CSRNP2: variants seen among roughly 807,000 people sequenced by gnomAD.
CSRNP2 encodes the protein cysteine and serine rich nuclear protein 2, also known as cysteine/serine-rich nuclear protein 2.
In CSRNP2, 11 loss-of-function variants were observed where a neutral mutation model predicts 36.6. That is an observed-to-expected ratio of 0.30 (90% CI 0.19 to 0.50). CSRNP2 has a LOEUF of 0.50. CSRNP2 is among the 20% of genes least tolerant of loss of function. The pLI, the probability that CSRNP2 is intolerant of heterozygous loss-of-function variation, is 0.98. For synonymous variants in CSRNP2, 248 were observed against 275.3 expected, an observed-to-expected ratio of 0.90 and a Z score of 0.98; for missense variants, 483 against 691.4, an observed-to-expected ratio of 0.70 and a Z score of 3.38.
In CSRNP2 at chr12:51,083,567, C is replaced by T. The variant is rs1441432373; in HGVS notation, c.-315G>A. 1 of 152,280 alleles carries T rather than the reference C, an allele frequency of 6.6e-6. No homozygotes were observed. The highest frequency in any genetic ancestry group is 1.9e-4 in the East Asian group (1 of 5,210). 9.4% of individuals were successfully genotyped at this position (152,280 alleles called of 1,614,324 possible). On this transcript the variant is annotated 5_prime_UTR_variant, in exon 1 of 5. Coordinates refer to ENST00000228515, the MANE Select transcript of CSRNP2 (RefSeq NM_030809.3). ...ACTCGGGCGCCCCCGGCAGCAGACG[C>T]CCAGAACCGCCCCGGCTCCGGCTAA... is the stretch of plus-strand genomic sequence containing the variant.
chr12:51,078,814 C>T lies in CSRNP2; in HGVS notation c.-86-2167G>A, dbSNP rs141427686. Among the ~76,000 whole-genome samples the T allele has an allele frequency of 6.0e-3, 915 of 152,232 alleles. 6 individuals are homozygous for T. Among genetic ancestry groups the T allele is most frequent in the African/African-American group, 0.019 (808 of 41,538 alleles). ...TCAACCATTGTGGAAGACAGTGTGGCGATTCCTCAAGGATCTAGAACTAGA... is the reference window on the plus strand; with the variant it reads ...TCAACCATTGTGGAAGACAGTGTGGTGATTCCTCAAGGATCTAGAACTAGA... On this transcript the variant is annotated intron_variant, in intron 1 of 4. Transcript: ENST00000228515.
At chr12:51,075,748 G>GT (rs1939370951) in intron 2 of CSRNP2, among the ~76,000 whole-genome samples, 1 of 152,204 alleles carries the variant, frequency 6.6e-6, no homozygotes, top group East Asian at 1.9e-4. Context: ...TAATAGAGCC[G>GT]TAAGAATTAA....
chr12:51,071,377 A>C (rs1171034479), intron 3 of CSRNP2, among the ~76,000 whole-genome samples: 1 of 151,886 alleles, frequency 6.6e-6, no homozygotes, highest in East Asian at 1.9e-4. Flanking sequence ...TCTGTGCTCC[A>C]GCCTGGATGA....
At chr12:51,078,509 G>T (rs527581298) in intron 1 of CSRNP2, among the ~76,000 whole-genome samples, 1 of 152,170 alleles carries the variant, frequency 6.6e-6, no homozygotes, top group African/African-American at 2.4e-5. Context: ...CATTCTTAGG[G>T]CATGGTAAGA....
At chr12:51,081,734 T>A (rs1250765017) in intron 1 of CSRNP2, among the ~76,000 whole-genome samples, 2 of 152,176 alleles carry the variant, frequency 1.3e-5, no homozygotes, top group Non-Finnish European at 2.9e-5. Flanking sequence ...GGCTAGCACC[T>A]AATAAACAGT....
rs372339521 is a variant in CSRNP2 at position 51,063,847 on chromosome 12, G to A, written c.1531C>T (p.Arg511Cys). ...CCACAGCCCTCTTCATTGTCCGTGC[G>A]GAAGGGGAGGCTTGAGGGGGACCAG... ...PSWSPSSLPFRTDNEEGCGMV... is the reference protein window; with the variant it reads ...PSWSPSSLPFCTDNEEGCGMV... The change falls in exon 5 of 5, where the codon CGC becomes TGC. Residue 511 changes from arginine to cysteine, a missense_variant. By Grantham distance (180) the Arg-to-Cys change is radical. Coordinates refer to ENST00000228515, the MANE Select transcript of CSRNP2 (RefSeq NM_030809.3). The A allele has an allele frequency of 1.7e-5, 28 of 1,613,902 alleles. No individual in the cohort carries two copies. The highest frequency in any genetic ancestry group is 1.5e-4 in the Admixed American group (9 of 59,976).
chr12:51,073,121 A>G (rs1455030486), intron 3 of CSRNP2, among the ~76,000 whole-genome samples: 1 of 152,100 alleles, frequency 6.6e-6, no homozygotes, highest in Non-Finnish European at 1.5e-5. Flanking sequence ...TGGGAGGCTG[A>G]GATTGGCAGA....
chr12:51,064,714 C>A, intron 4 of CSRNP2, 45 bp from the exon 5 acceptor site: 2 of 1,463,436 alleles, frequency 1.4e-6, no homozygotes, highest in South Asian at 3.1e-5. Flanking sequence ...ACCTACAATC[C>A]TAACAATGGA....
At chr12:51,064,792 C>A in intron 4 of CSRNP2, 123 bp from the exon 5 acceptor site, 1 of 690,788 alleles carries the variant, frequency 1.4e-6, no homozygotes. Flanking sequence ...GAAAAGCAAC[C>A]AATTCAAAGC....
In CSRNP2 at chr12:51,080,072, C is replaced by CAAAAAAAAA. The variant is rs1173559322; in HGVS notation, c.-87+3258_-87+3266dup. 1.7e-3 allele frequency among the ~76,000 whole-genome samples: 94 copies of CAAAAAAAAA among 54,988 alleles called. 38 individuals carry two copies. The highest frequency in any genetic ancestry group is 3.6e-3 in the South Asian group (4 of 1,104). The allele number at this position is 54,988 out of a possible 152,430, so 36.1% of individuals were successfully genotyped here. ...TGGGCGGCAGAGTAAGACTCTGTCT[C>CAAAAAAAAA]AAAAAAAAAAAAAAAAAAAAAAAAA... On this transcript the variant is annotated intron_variant, in intron 1 of 4. Transcript: ENST00000228515.
At position 51,063,412 on chromosome 12, in the gene CSRNP2, GT is replaced by G; in HGVS notation, c.*333del. On this transcript the variant is annotated 3_prime_UTR_variant, in exon 5 of 5. Coordinates refer to ENST00000228515, the MANE Select transcript of CSRNP2 (RefSeq NM_030809.3). ...TTTGCCATGCTCTTCAAATTCTCGT[GT>G]TCTGGTCCCTACAGAAAGAATAGCT... The G allele has an allele frequency of 1.1e-5, 2 of 175,526 alleles. No homozygotes were observed. Among genetic ancestry groups the G allele is most frequent in the Non-Finnish European group, 2.4e-5 (2 of 83,828 alleles). 10.9% of individuals were successfully genotyped at this position (175,526 alleles called of 1,614,324 possible). A position where few individuals can be genotyped will look rare whatever the true frequency, so the allele number is the denominator to read the frequency against.
chr12:51,061,809 G>A lies in CSRNP2; in HGVS notation c.*1937C>T, dbSNP rs1948840180. The A allele has an allele frequency of 6.6e-6, 1 of 152,148 alleles. No individual in the cohort carries two copies. The highest frequency in any genetic ancestry group is 1.5e-5 in the Non-Finnish European group (1 of 68,040). 9.4% of individuals were successfully genotyped at this position (152,148 alleles called of 1,614,324 possible). ...CCGGAGCCTTCCTGCAGAGACAGTG[G>A]GCAAACCTCACCCTCCCCTTCCGAC... On this transcript the variant is annotated 3_prime_UTR_variant, in exon 5 of 5. Transcript: ENST00000228515.
chr12:51,063,724 G>A lies in CSRNP2; in HGVS notation c.*22C>T. 6.7e-7 allele frequency: 1 copy of A among 1,497,472 alleles called. No homozygotes were observed. Among genetic ancestry groups the A allele is most frequent in the Non-Finnish European group, 8.9e-7 (1 of 1,119,762 alleles). 92.8% of individuals were successfully genotyped at this position (1,497,472 alleles called of 1,614,324 possible). ...AAGGGAATAAATAGAGAATGGGTAA[G>A]AGGCAGGACCTCTAGCGCCTGTCAC... On this transcript the variant is annotated 3_prime_UTR_variant, in exon 5 of 5. Coordinates refer to ENST00000228515, the MANE Select transcript of CSRNP2 (RefSeq NM_030809.3).
Position 51,076,468 on chromosome 12 carries a change from T to C in CSRNP2, c.94A>G (p.Ser32Gly). ...CTGTCGCAGCTGTCAGCACTATCAC[T>C]GCTGGAGATCTCATCATCTGAGTTG... The part of the protein sequence containing the change: ...VSNSDDEISS[S>G]DSADSCDSLN... Residue 32 changes from serine to glycine, a missense_variant, in exon 2 of 5, where the codon AGT (serine) becomes GGT (glycine). By Grantham distance (56) the Ser-to-Gly change is moderately conservative. Coordinates refer to ENST00000228515, the MANE Select transcript of CSRNP2 (RefSeq NM_030809.3). The C allele has an allele frequency of 6.2e-7, 1 of 1,614,134 alleles. No homozygotes were observed. Among genetic ancestry groups the C allele is most frequent in the Non-Finnish European group, 8.5e-7 (1 of 1,180,020 alleles).
At chr12:51,075,900 A>G (rs1286323508) in intron 2 of CSRNP2, among the ~76,000 whole-genome samples, 1 of 152,182 alleles carries the variant, frequency 6.6e-6, no homozygotes, top group Non-Finnish European at 1.5e-5. Context: ...AACACAAAAA[A>G]TTAGGCGGGC....
At chr12:51,080,127 A>AGCAGGCAGGCAGGCAGGCAG (rs138392211) in intron 1 of CSRNP2, among the ~76,000 whole-genome samples, 3 of 137,832 alleles carry the variant, frequency 2.2e-5, no homozygotes, top group African/African-American at 8.2e-5. Flanking sequence ...GAAGAAGGCA[A>AGCAGGCAGGCAGGCAGGCAG]GCAGGCAGGC....
In CSRNP2 at chr12:51,076,657, GA is replaced by G. The variant is rs1939414573; in HGVS notation, c.-86-11del. On this transcript the variant is annotated splice_polypyrimidine_tract_variant and intron_variant, in intron 1 of 4. Transcript: ENST00000228515. ...CAGGTACATTAGGATTCTGCCCAGGGAAAAAAAGGAATCAGCATTCCTGTCC... is the reference window on the plus strand; with the variant it reads ...CAGGTACATTAGGATTCTGCCCAGGGAAAAAAGGAATCAGCATTCCTGTCC... The G allele has an allele frequency of 4.4e-5, 61 of 1,393,444 alleles. No homozygotes were observed. The highest frequency in any genetic ancestry group is 2.1e-4 in the Middle Eastern group (1 of 4,678). 86.3% of individuals were successfully genotyped at this position (1,393,444 alleles called of 1,614,324 possible).
At position 51,064,163 on chromosome 12, in the gene CSRNP2, C is replaced by T. The variant is rs369851163; in HGVS notation, c.1215G>A (p.Thr405=). ...TGTTCAAGTAGGATGGGCTGTTCAC[C>T]GTTGAGGCAGTTGGGTGGTCTGAGT... The part of the protein sequence containing the change: ...TENSDHPTAS[T]VNSPSYLNSG... Residue 405 remains threonine (T), a synonymous_variant, in exon 5 of 5, where the codon ACG becomes ACA. Coordinates refer to ENST00000228515, the MANE Select transcript of CSRNP2 (RefSeq NM_030809.3). 16 of 1,614,004 alleles carry T rather than the reference C, an allele frequency of 9.9e-6. No individual in the cohort carries two copies. Among genetic ancestry groups the T allele is most frequent in the African/African-American group, 5.3e-5 (4 of 74,900 alleles).
rs367732336 is a variant in CSRNP2, at chr12:51,081,845, ACAAC to A, written c.-87+1490_-87+1493del. ...ACAAACAAACAAACAAACAACAACA[ACAAC>A]AAAAAAAAACAGCATATGTGAGAGC... is the stretch of plus-strand genomic sequence containing the variant. On this transcript the variant is annotated intron_variant, in intron 1 of 4. Coordinates refer to ENST00000228515, the MANE Select transcript of CSRNP2 (RefSeq NM_030809.3). Among the ~76,000 whole-genome samples the A allele has an allele frequency of 1.5e-3, 228 of 150,122 alleles. 1 individual carries two copies. The highest frequency in any genetic ancestry group is 2.2e-3 in the Non-Finnish European group (145 of 67,346).
Sources: gnomAD v4.1 joint callset for allele counts (sites outside exome capture counted in the v4.1 genomes callset) on GRCh38, gnomAD v4.1.1 for gene constraint, MANE v1.5 for transcripts, NCBI Gene and HGNC (gene_info 2026-07-23, HGNC 2026-07-21) for gene names.